Variants in HTR2B observed in about 807,000 individuals in gnomAD.
The protein encoded by HTR2B is 5-hydroxytryptamine receptor 2B, also known as 5-HT 2B receptor.
Under a neutral mutation model 39.8 loss-of-function variants are expected in HTR2B, and 31 were observed. The ratio of observed to expected loss-of-function variants is 0.78; its 90% CI spans 0.58 to 1.05. HTR2B has a LOEUF of 1.05. HTR2B is among the 50% of genes least tolerant of loss of function. The pLI, the probability that HTR2B is intolerant of heterozygous loss-of-function variation, is 0.00. For synonymous variants in HTR2B, 210 were observed against 207.1 expected, an observed-to-expected ratio of 1.01 and a Z score of -0.12; for missense variants, 562 against 578.0, an observed-to-expected ratio of 0.97 and a Z score of 0.28.
rs759300771 is a variant in HTR2B at position 231,123,687 on chromosome 2, A to G, written c.78T>C (p.Val26=). 1.1e-5 allele frequency: 17 copies of G among 1,613,988 alleles called. No homozygotes were observed. The East Asian group carries it at 2.4e-4, about 23-fold the overall frequency. The change falls in exon 2 of 4, where the codon GTT becomes GTC. Residue 26 remains valine (V), a synonymous_variant. Transcript: ENST00000258400. ...EHILQSTFVH[V]ISSNWSGLQT... Reference sequence around the variant, plus strand: ...GTAATCCAGACCAGTTAGAAGAGATAACGTGAACAAAGGTGCTCTGCAAAA... The same window carrying G: ...GTAATCCAGACCAGTTAGAAGAGATGACGTGAACAAAGGTGCTCTGCAAAA...
rs114221965 is a variant in HTR2B, at chr2:231,111,670, A to G, written c.553+2059T>C. ...TTATTAATTTGTGATCGGTTCTACA[A>G]GACAAAGTGCAATGAAGTGAAAGAG... On this transcript the variant is annotated intron_variant, in intron 3 of 3. Coordinates refer to ENST00000258400, the MANE Select transcript of HTR2B (RefSeq NM_000867.5). Among the ~76,000 whole-genome samples the G allele has an allele frequency of 5.1e-3, 779 of 152,318 alleles. 6 individuals carry two copies. The highest frequency in any genetic ancestry group is 0.017 in the African/African-American group (716 of 41,572).
chr2:231,123,380 G>A, intron 2 of HTR2B, 33 bp downstream of exon 2: 1 of 1,430,986 alleles, frequency 7.0e-7, no homozygotes, highest in Non-Finnish European at 9.9e-7. Flanking sequence ...ATAGTTCTGT[G>A]GTTTGATGGC....
rs1695647595 is a variant in HTR2B, at chr2:231,123,933, A to G, written c.-169T>C. 1 of 662,464 alleles carries G rather than the reference A, an allele frequency of 1.5e-6. No homozygotes were observed. Among genetic ancestry groups the G allele is most frequent in the Admixed American group, 2.2e-5 (1 of 44,936 alleles). 41.0% of individuals were successfully genotyped at this position (662,464 alleles called of 1,614,324 possible). The stretch of plus-strand genomic sequence containing the variant: ...TTCAAGTTCTCTAAAATGAGCGCAT[A>G]CACACATCTGTCCATGTTTGTAGGT... On this transcript the variant is annotated 5_prime_UTR_variant, in exon 2 of 4. Coordinates refer to ENST00000258400, the MANE Select transcript of HTR2B (RefSeq NM_000867.5).
chr2:231,124,857 T>G (rs1163573230), intron 1 of HTR2B, 115 bp downstream of exon 1: 1 of 152,230 alleles, frequency 6.6e-6, no homozygotes, highest in Non-Finnish European at 1.5e-5. Flanking sequence ...TAGTAAATTT[T>G]TCATTTTGAT....
chr2:231,121,163 C>A (rs562624871), intron 2 of HTR2B, among the ~76,000 whole-genome samples: 1 of 152,044 alleles, frequency 6.6e-6, no homozygotes, highest in African/African-American at 2.4e-5. Context: ...ATCTACAAAC[C>A]CCACTATACA....
chr2:231,114,038 T>C, intron 2 of HTR2B, 109 bp from the exon 3 acceptor site: 3 of 818,072 alleles, frequency 3.7e-6, no homozygotes, highest in Non-Finnish European at 6.2e-6. Context: ...TCATCTGAAA[T>C]TTTATAACTT....
intron 3 of HTR2B, among the ~76,000 whole-genome samples, 161 bp from the exon 4 acceptor site, chr2:231,109,570 T>C (rs1695086147): frequency 6.6e-6 from 1 of 152,216 alleles, no homozygotes; most frequent in African/African-American, 2.4e-5. Context: ...CAGTGAAGAT[T>C]TGACAAACAG....
rs1164841035 is a variant in HTR2B, at chr2:231,123,526, G to GA, written c.238dup (p.Ser80PhefsTer11). 1 of 1,614,038 alleles carries GA rather than the reference G, an allele frequency of 6.2e-7. No homozygotes were observed. Among genetic ancestry groups the GA allele is most frequent in the Admixed American group, 1.7e-5 (1 of 60,020 alleles). On this transcript the variant is annotated frameshift_variant, in exon 2 of 4. Transcript: ENST00000258400. LOFTEE classifies it high-confidence loss of function. Reference sequence around the variant, plus strand: ...AGCATACTGCAGCTTCTTCTCCAGTGAAACAGCCAGAATAACAAGGGTATT... The same window carrying GA: ...AGCATACTGCAGCTTCTTCTCCAGTGAAAACAGCCAGAATAACAAGGGTATT...
At position 231,109,373 on chromosome 2, in the gene HTR2B, G is replaced by T. The variant is rs1301995857; in HGVS notation, c.590C>A (p.Thr197Asn). 19 of 1,614,108 alleles carry T rather than the reference G, an allele frequency of 1.2e-5. No homozygotes were observed. The highest frequency in any genetic ancestry group is 1.6e-5 in the Non-Finnish European group (19 of 1,179,972). Residue 197 changes from threonine (T) to asparagine (N), a missense_variant, in exon 4 of 4, where the codon ACT becomes AAT. Thr to Asn is a moderately conservative substitution (Grantham distance 65). Transcript: ENST00000258400. ...GATATTGTTTGGGTTGTCCACATCA[G>T]TCTCTATCCCTTTAATAGGGACTGG... ...AIPVPIKGIE[T>N]DVDNPNNITC... is the part of the protein sequence containing the mutation.
chr2:231,109,001 C>T lies in HTR2B; in HGVS notation c.962G>A (p.Arg321Lys), dbSNP rs1326828074. The T allele has an allele frequency of 6.2e-7, 1 of 1,614,188 alleles. No individual in the cohort carries two copies. The highest frequency in any genetic ancestry group is 1.7e-5 in the Admixed American group (1 of 60,034). ...KSVQTISNEQ[R>K]ASKVLGIVFF... ...CACAATCCCTAGGACCTTTGAGGCTCTCTGTTCGTTGGAAATGGTCTGCAC... is the reference window on the plus strand; with the variant it reads ...CACAATCCCTAGGACCTTTGAGGCTTTCTGTTCGTTGGAAATGGTCTGCAC... The change falls in exon 4 of 4, where the codon AGA (arginine) becomes AAA (lysine). Residue 321 changes from arginine to lysine, a missense_variant. Transcript: ENST00000258400.
chr2:231,116,292 A>G (rs1001307534), intron 2 of HTR2B, among the ~76,000 whole-genome samples: 1 of 152,154 alleles, frequency 6.6e-6, no homozygotes, highest in Non-Finnish European at 1.5e-5. Flanking sequence ...TTCTAGATTT[A>G]GGACTGTAAG....
At chr2:231,113,494 G>A (rs1292466187) in intron 3 of HTR2B, among the ~76,000 whole-genome samples, 1 of 152,202 alleles carries the variant, frequency 6.6e-6, no homozygotes, top group Non-Finnish European at 1.5e-5. Context: ...AATAAACACT[G>A]TGCAGATGGT....
At chr2:231,120,106 C>T (rs1387635866) in intron 2 of HTR2B, among the ~76,000 whole-genome samples, 2 of 151,922 alleles carry the variant, frequency 1.3e-5, no homozygotes, top group African/African-American at 4.8e-5. Context: ...CGCGTACCAC[C>T]ATGCCCAGCT....
intron 2 of HTR2B, among the ~76,000 whole-genome samples, chr2:231,121,308 A>T (rs556756091): frequency 6.6e-6 from 1 of 152,184 alleles, no homozygotes; most frequent in Non-Finnish European, 1.5e-5. Flanking sequence ...GCAGAGGATC[A>T]CTTGAACCCA....
chr2:231,115,161 G>A (rs555816688), intron 2 of HTR2B, among the ~76,000 whole-genome samples: 110 of 152,090 alleles, frequency 7.2e-4, no homozygotes, highest in Admixed American at 1.2e-3. Context: ...TAAGGAGCCT[G>A]GGGGTGGAGA....
chr2:231,113,619 T>C, intron 3 of HTR2B, 110 bp downstream of exon 3: 2 of 907,036 alleles, frequency 2.2e-6, no homozygotes, highest in South Asian at 1.3e-5. Flanking sequence ...ATCAGTAGGC[T>C]GGCTTGACCT....
At chr2:231,113,166 A>G (rs939096821) in intron 3 of HTR2B, among the ~76,000 whole-genome samples, 2 of 152,156 alleles carry the variant, frequency 1.3e-5, no homozygotes, top group Non-Finnish European at 2.9e-5. Context: ...CCTGTCTCCA[A>G]AAAAGAAAAA....
intron 3 of HTR2B, 26 bp from the exon 4 acceptor site, chr2:231,109,435 T>G (rs754550450): frequency 6.3e-7 from 1 of 1,597,012 alleles, no homozygotes; most frequent in Non-Finnish European, 8.6e-7. Context: ...ACAAGATAAA[T>G]TGAGTCATTT....
At chr2:231,120,300 G>A (rs1218193178) in intron 2 of HTR2B, among the ~76,000 whole-genome samples, 1 of 152,182 alleles carries the variant, frequency 6.6e-6, no homozygotes, top group Admixed American at 6.5e-5. Flanking sequence ...AAGATTCAGA[G>A]AAGCTCTTAA....
Sources: allele counts gnomAD v4.1 joint callset (sites outside exome capture counted in the v4.1 genomes callset), GRCh38; gene constraint gnomAD v4.1.1; transcripts MANE v1.5; gene names NCBI Gene and HGNC (gene_info 2026-07-23, HGNC 2026-07-21).